The following UGT2A2 variants were observed in gnomAD, a reference collection of about 807,000 sequenced individuals.
UGT2A2 encodes the protein UDP-glucuronosyltransferase 2A2.
In UGT2A2, 60 loss-of-function variants were observed where a neutral mutation model predicts 50.7. That is an observed-to-expected ratio of 1.18 (90% CI 0.96 to 1.47). UGT2A2 has a LOEUF of 1.47. Among genes scored for constraint, UGT2A2 ranks in the 40% most tolerant of loss-of-function variants. UGT2A2 has a pLI of 0.00. For missense variants in UGT2A2, 762 were observed against 634.0 expected (o/e 1.20, Z -2.17); for synonymous variants, 242 against 214.6 (o/e 1.13, Z -1.11).
rs1237805779 is a variant in UGT2A2 at position 69,606,789 on chromosome 4, G to C, written c.743-7395C>G. On this transcript the variant is annotated intron_variant, in intron 1 of 5. Transcript: ENST00000604629. ...CTTATACACCAATAACAGACAAACA[G>C]AGAGCCAAATCACGAGTGAGCTCCC... Among the ~76,000 whole-genome samples the C allele has an allele frequency of 6.6e-5, 9 of 136,460 alleles. 1 individual carries two copies. Among genetic ancestry groups the C allele is most frequent in the Non-Finnish European group, 1.2e-4 (8 of 64,270 alleles). 89.5% of individuals were successfully genotyped at this position (136,460 alleles called of 152,430 possible).
intron 5 of UGT2A2, among the ~76,000 whole-genome samples, chr4:69,591,080 G>T (rs1221280798): frequency 6.6e-6 from 1 of 152,076 alleles, no homozygotes; most frequent in Non-Finnish European, 1.5e-5. Context: ...CATTTATTTA[G>T]AAATTTCTAA....
intron 1 of UGT2A2, among the ~76,000 whole-genome samples, chr4:69,606,012 C>T (rs1194095295): frequency 7.3e-6 from 1 of 136,488 alleles, no homozygotes; most frequent in African/African-American, 3.0e-5. Flanking sequence ...GAGCTGGTAC[C>T]ATTCCTTCTG....
At position 69,594,515 on chromosome 4, in the gene UGT2A2, A is replaced by G; in HGVS notation, c.1293T>C (p.Asp431=). The stretch of plus-strand genomic sequence containing the variant: ...TGACTGTTCTCAAAGCGCTAAGCAA[A>G]TCCACACTTGTCATTGTGTTTAGGT... ...EVNLNTMTSV[D]LLSALRTVIN... Residue 431 remains aspartate (D), a synonymous_variant, in exon 5 of 6, where the codon GAT becomes GAC. Coordinates refer to ENST00000604629, the MANE Select transcript of UGT2A2 (RefSeq NM_001105677.2). The G allele has an allele frequency of 6.2e-7, 1 of 1,614,164 alleles. No homozygotes were observed. Among genetic ancestry groups the G allele is most frequent in the Non-Finnish European group, 8.5e-7 (1 of 1,180,028 alleles).
At position 69,589,671 on chromosome 4, in the gene UGT2A2, G is replaced by T. The variant is rs966768654; in HGVS notation, c.1332-20C>A. 7 of 1,568,968 alleles carry T rather than the reference G, an allele frequency of 4.5e-6. No homozygotes were observed. Among genetic ancestry groups the T allele is most frequent in the Non-Finnish European group, 6.1e-6 (7 of 1,156,044 alleles). On this transcript the variant is annotated intron_variant, in intron 5 of 5. Coordinates refer to ENST00000604629, the MANE Select transcript of UGT2A2 (RefSeq NM_001105677.2). ...TTATAACTAGAAGACAAATAAATAG[G>T]CAGAAATTAGACAATTTTTGTTTTT...
rs374804650 is a variant in UGT2A2 at position 69,599,313 on chromosome 4, C to T, written c.824G>A (p.Arg275His). 9.2e-5 allele frequency: 148 copies of T among 1,613,740 alleles called. No homozygotes were observed. In the Admixed American group the frequency reaches 9.2e-4, roughly 10 times the overall value. Residue 275 changes from arginine to histidine, a missense_variant, in exon 2 of 6, where the codon CGT (arginine) becomes CAT (histidine). Physicochemically the swap from Arg to His is conservative, Grantham distance 29 (BLOSUM62 0). Coordinates refer to ENST00000604629, the MANE Select transcript of UGT2A2 (RefSeq NM_001105677.2). ...IRTYWDFEFP[R>H]PYLPNFEFVG... ...AAACTCAAAATTAGGTAAGTATGGA[C>T]GAGGAAATTCAAAATCCCAATATGT...
At chr4:69,627,395 G>T (rs1039558229) in intron 1 of UGT2A2, among the ~76,000 whole-genome samples, 1 of 151,612 alleles carries the variant, frequency 6.6e-6, no homozygotes, top group African/African-American at 2.4e-5. Context: ...AGATTCATAT[G>T]ATTTTATGCA....
chr4:69,595,119 T>A, intron 4 of UGT2A2, 43 bp downstream of exon 4: 1 of 1,607,918 alleles, frequency 6.2e-7, no homozygotes. Flanking sequence ...ACTTAACTTG[T>A]CTATTGTCCC....
rs549412874 is a variant in UGT2A2, at chr4:69,614,950, A to T, written c.743-15556T>A. Among the ~76,000 whole-genome samples, 8 of 152,154 alleles carry T rather than the reference A, an allele frequency of 5.3e-5. No individual in the cohort carries two copies. In the South Asian group the frequency reaches 1.2e-3, roughly 24 times the overall value. Reference sequence around the variant, plus strand: ...GGAAGGGCAATGGGGAAGCAAGCACATCTTCACATGGTGGCAGGAGAGAGA... The same window carrying T: ...GGAAGGGCAATGGGGAAGCAAGCACTTCTTCACATGGTGGCAGGAGAGAGA... On this transcript the variant is annotated intron_variant, in intron 1 of 5. Coordinates refer to ENST00000604629, the MANE Select transcript of UGT2A2 (RefSeq NM_001105677.2).
At chr4:69,619,859 C>G (rs913313969) in intron 1 of UGT2A2, among the ~76,000 whole-genome samples, 2 of 151,966 alleles carry the variant, frequency 1.3e-5, no homozygotes, top group African/African-American at 4.8e-5. Flanking sequence ...ATACACAAAT[C>G]AATACATGTG....
At chr4:69,634,357 A>T (rs1176189095) in intron 1 of UGT2A2, among the ~76,000 whole-genome samples, 1 of 152,128 alleles carries the variant, frequency 6.6e-6, no homozygotes, top group Non-Finnish European at 1.5e-5. Context: ...GTGACGAAAG[A>T]TTAACAGAAA....
chr4:69,601,392 G>A lies in UGT2A2; in HGVS notation c.743-1998C>T, dbSNP rs146091866. ...AGCTCCATGCCCTTCCCCGCCCCCC[G>A]GAGTACTACTCCTGGGTAACATAAG... On this transcript the variant is annotated intron_variant, in intron 1 of 5. Coordinates refer to ENST00000604629, the MANE Select transcript of UGT2A2 (RefSeq NM_001105677.2). Among the ~76,000 whole-genome samples, 580 of 152,116 alleles carry A rather than the reference G, an allele frequency of 3.8e-3. 5 individuals are homozygous for A. Among genetic ancestry groups the A allele is most frequent in the African/African-American group, 0.013 (528 of 41,502 alleles).
At chr4:69,607,862 A>G (rs1297543721) in intron 1 of UGT2A2, among the ~76,000 whole-genome samples, 1 of 152,210 alleles carries the variant, frequency 6.6e-6, no homozygotes, top group East Asian at 1.9e-4. Flanking sequence ...AAACAAAACC[A>G]CAATGAGATA....
rs142853765 is a variant in UGT2A2, at chr4:69,597,761, C to T, written c.892-1380G>A. ...AAACATACACATACACACAAACGTA[C>T]ACATCTATCATACTGATATGGATTT... On this transcript the variant is annotated intron_variant, in intron 2 of 5. Transcript: ENST00000604629. Among the ~76,000 whole-genome samples the T allele has an allele frequency of 2.9e-3, 447 of 152,002 alleles. 3 individuals carry two copies. The highest frequency in any genetic ancestry group is 0.01 in the Middle Eastern group (3 of 294).
At chr4:69,628,019 T>C (rs1721186255) in intron 1 of UGT2A2, among the ~76,000 whole-genome samples, 1 of 152,006 alleles carries the variant, frequency 6.6e-6, no homozygotes, top group South Asian at 2.1e-4. Context: ...CTATTTTAGG[T>C]TGATATAATC....
rs765360035 is a variant in UGT2A2, at chr4:69,606,058, CCTT to C, written c.743-6667_743-6665del. Among the ~76,000 whole-genome samples, 5 of 136,926 alleles carry C rather than the reference CCTT, an allele frequency of 3.7e-5. 1 individual carries two copies. The highest frequency in any genetic ancestry group is 7.8e-5 in the Non-Finnish European group (5 of 64,346). 89.8% of individuals were successfully genotyped at this position (136,926 alleles called of 152,430 possible). A position where few individuals can be genotyped will look rare whatever the true frequency, so the allele number is the denominator to read the frequency against. On this transcript the variant is annotated intron_variant, in intron 1 of 5. Transcript: ENST00000604629. ...AAGCAATAGAAAAAGAGGGAATCCT[CCTT>C]AAATCATTTTATGAGTCCAGCATCA...
intron 1 of UGT2A2, among the ~76,000 whole-genome samples, chr4:69,622,855 G>A (rs1720829353): frequency 6.6e-6 from 1 of 151,694 alleles, no homozygotes; most frequent in Admixed American, 6.6e-5. Context: ...CTTCGGTGTA[G>A]GACATTTCCT....
intron 1 of UGT2A2, among the ~76,000 whole-genome samples, chr4:69,620,273 A>T (rs1720667004): frequency 1.4e-5 from 2 of 143,486 alleles, no homozygotes. Context: ...CTAATAAAAA[A>T]CTACAGTAAA....
Position 69,614,961 on chromosome 4 carries a change from G to A in UGT2A2, c.743-15567C>T, listed in dbSNP as rs1161568045. 2.6e-5 allele frequency among the ~76,000 whole-genome samples: 4 copies of A among 152,096 alleles called. No individual in the cohort carries two copies. The East Asian group carries it at 7.8e-4, about 30-fold the overall frequency. ...GGGGAAGCAAGCACATCTTCACATG[G>A]TGGCAGGAGAGAGAAAGAGATAAGG... On this transcript the variant is annotated intron_variant, in intron 1 of 5. Transcript: ENST00000604629.
chr4:69,628,995 A>C (rs990838181), intron 1 of UGT2A2, among the ~76,000 whole-genome samples: 2 of 151,846 alleles, frequency 1.3e-5, no homozygotes, highest in Non-Finnish European at 2.9e-5. Flanking sequence ...AAAGGGAGCC[A>C]GGTGATATCA....
Sources: allele counts gnomAD v4.1 joint callset (sites outside exome capture counted in the v4.1 genomes callset), GRCh38; gene constraint gnomAD v4.1.1; transcripts MANE v1.5; gene names NCBI Gene and HGNC (gene_info 2026-07-23, HGNC 2026-07-21).